The following ROBO2 variants were observed in gnomAD, a reference collection of about 807,000 sequenced individuals.
ROBO2 encodes roundabout guidance receptor 2, also known as roundabout homolog 2.
A neutral mutation model predicts 160.8 loss-of-function variants in ROBO2; 53 were observed. The observed-to-expected ratio is 0.33, with a 90% CI of 0.26 to 0.41. The LOEUF is 0.41. ROBO2 is among the 10% of genes least tolerant of loss of function. The pLI is 1.00. For synonymous variants in ROBO2, 664 were observed against 611.7 expected (o/e 1.09, Z -1.26); for missense variants, 1,577 against 1,722.4 (o/e 0.92, Z 1.49).
intron 2 of ROBO2, among the ~76,000 whole-genome samples, chr3:76,837,742 C>T (rs573785613): frequency 1.3e-5 from 2 of 151,968 alleles, no homozygotes; most frequent in South Asian, 4.1e-4. Context: ...AGAACAAGTA[C>T]AATCTTGTTC....
intron 2 of ROBO2, among the ~76,000 whole-genome samples, chr3:76,120,593 T>C (rs1452816284): frequency 6.6e-6 from 1 of 152,136 alleles, no homozygotes; most frequent in Non-Finnish European, 1.5e-5. Context: ...GTCTCTTTCA[T>C]CTCTAAGATT....
intron 2 of ROBO2, among the ~76,000 whole-genome samples, chr3:77,183,938 C>T (rs941714529): frequency 2.6e-5 from 4 of 152,072 alleles, no homozygotes; most frequent in Non-Finnish European, 4.4e-5. Context: ...AATTTTTCTG[C>T]TGTCTTTAAC....
At chr3:76,755,474 A>G (rs1306177181) in intron 2 of ROBO2, among the ~76,000 whole-genome samples, 1 of 151,776 alleles carries the variant, frequency 6.6e-6, no homozygotes, top group Non-Finnish European at 1.5e-5. Flanking sequence ...TGCTAGCAAG[A>G]TTAGGAGGAA....
rs138063825 is a variant in ROBO2, at chr3:77,546,290, T to C, written c.935-48T>C. ...ATATTTTCTCCTTGACATATTTTTA[T>C]TTGTCTATGGTTGATATTTACACGC... On this transcript the variant is annotated intron_variant, in intron 6 of 25. Coordinates refer to ENST00000461745, the Ensembl canonical transcript of ROBO2. 6 of 1,603,690 alleles carry C rather than the reference T, an allele frequency of 3.7e-6. No individual in the cohort carries two copies. The African/African-American group carries it at 8.0e-5, about 21-fold the overall frequency.
intron 2 of ROBO2, among the ~76,000 whole-genome samples, chr3:76,927,784 C>T (rs952184754): frequency 6.6e-6 from 1 of 152,034 alleles, no homozygotes; most frequent in Non-Finnish European, 1.5e-5. Flanking sequence ...CTCGATGGCA[C>T]TATAGTGAGT....
chr3:76,991,310 T>C (rs2060653573), intron 2 of ROBO2, among the ~76,000 whole-genome samples: 1 of 152,220 alleles, frequency 6.6e-6, no homozygotes, highest in Non-Finnish European at 1.5e-5. Context: ...AGTCAAACTA[T>C]TGTGTAATAT....
intron 16 of ROBO2, among the ~76,000 whole-genome samples, chr3:77,588,205 A>G (rs2094100734): frequency 6.6e-6 from 1 of 151,990 alleles, no homozygotes; most frequent in Admixed American, 6.6e-5. Context: ...CATAATTGTC[A>G]TTGTTTTGTA....
chr3:76,254,237 GC>G (rs1706216015), intron 2 of ROBO2, among the ~76,000 whole-genome samples: 3 of 152,058 alleles, frequency 2.0e-5, no homozygotes, highest in Non-Finnish European at 4.4e-5. Context: ...AATGAAGTCA[GC>G]ATATATTTTC....
chr3:77,456,139 T>C (rs1279276736), intron 2 of ROBO2, among the ~76,000 whole-genome samples: 5 of 152,160 alleles, frequency 3.3e-5, no homozygotes, highest in Non-Finnish European at 2.9e-5. Flanking sequence ...GCACATTCTA[T>C]AGAAAACCAC....
At chr3:76,465,251 T>C (rs2078298710) in intron 2 of ROBO2, among the ~76,000 whole-genome samples, 1 of 152,102 alleles carries the variant, frequency 6.6e-6, no homozygotes, top group South Asian at 2.1e-4. Flanking sequence ...GGAGGATTCA[T>C]GTTAGTCAAA....
At chr3:76,397,791 G>A (rs1427367693) in intron 2 of ROBO2, among the ~76,000 whole-genome samples, 89 of 152,184 alleles carry the variant, frequency 5.8e-4, no homozygotes, top group Middle Eastern at 3.4e-3. Flanking sequence ...TCTCACACCA[G>A]TGAGAATGGC....
intron 1 of ROBO2, among the ~76,000 whole-genome samples, chr3:77,076,736 A>G (rs2068047804): frequency 6.6e-6 from 1 of 152,244 alleles, no homozygotes; most frequent in South Asian, 2.1e-4. Context: ...AGATAAATCT[A>G]TATGAACTTT....
chr3:76,440,143 T>G (rs897195136), intron 2 of ROBO2, among the ~76,000 whole-genome samples: 2 of 152,048 alleles, frequency 1.3e-5, no homozygotes, highest in Admixed American at 6.6e-5. Flanking sequence ...TGAAATGATG[T>G]GGGGGGAAAG....
At chr3:77,394,814 A>G (rs542547364) in intron 2 of ROBO2, among the ~76,000 whole-genome samples, 1 of 152,162 alleles carries the variant, frequency 6.6e-6, no homozygotes, top group Non-Finnish European at 1.5e-5. Context: ...TCACTGTTTC[A>G]TATGATATTC....
At chr3:77,197,325 A>C (rs2082397919) in intron 2 of ROBO2, among the ~76,000 whole-genome samples, 1 of 152,214 alleles carries the variant, frequency 6.6e-6, no homozygotes, top group African/African-American at 2.4e-5. Context: ...TGAGCAATAG[A>C]CAACCTCACT....
chr3:76,011,968 A>C (rs150587732), intron 2 of ROBO2, among the ~76,000 whole-genome samples: 147 of 152,342 alleles, frequency 9.6e-4, no homozygotes, highest in African/African-American at 3.4e-3. Flanking sequence ...TTCTCTTCTG[A>C]GGAAACAGTT....
intron 2 of ROBO2, among the ~76,000 whole-genome samples, chr3:76,482,862 T>C (rs2079285345): frequency 6.6e-6 from 1 of 152,182 alleles, no homozygotes. Flanking sequence ...TCATCTGCAA[T>C]TTCAAGCAAT....
Position 77,131,794 on chromosome 3 carries a change from G to A in ROBO2, c.388+33454G>A, listed in dbSNP as rs1017469259. Among the ~76,000 whole-genome samples, 14 of 152,024 alleles carry A rather than the reference G, an allele frequency of 9.2e-5. No homozygotes were observed. The East Asian group carries it at 2.1e-3, about 23-fold the overall frequency. ...CATTCTCTTTTTATAATTTACTTGT[G>A]AGACTAGAGAATTTAGGAAATATTC... On this transcript the variant is annotated intron_variant, in intron 2 of 25. Coordinates refer to ENST00000461745, the Ensembl canonical transcript of ROBO2.
At chr3:76,622,286 GAAAGAA>G (rs2089258144) in intron 2 of ROBO2, among the ~76,000 whole-genome samples, 1 of 94,034 alleles carries the variant, frequency 1.1e-5, no homozygotes, top group African/African-American at 4.2e-5. Flanking sequence ...AAGAAAGAAA[GAAAGAA>G]AGAAAGAAAG....
Sources: allele counts gnomAD v4.1 joint callset (sites outside exome capture counted in the v4.1 genomes callset), GRCh38; gene constraint gnomAD v4.1.1; transcripts MANE v1.5; gene names NCBI Gene and HGNC (gene_info 2026-07-23, HGNC 2026-07-21).